Variants in RNF13 observed in about 807,000 individuals in gnomAD.
RNF13 encodes the protein E3 ubiquitin-protein ligase RNF13.
A neutral mutation model predicts 37.7 loss-of-function variants in RNF13; 19 were observed. The observed-to-expected ratio is 0.50, with a 90% confidence interval of 0.35 to 0.74. The LOEUF is 0.74. Among genes scored for constraint, RNF13 ranks in the 30% least tolerant of loss-of-function variants. The probability of loss-of-function intolerance (pLI) is 0.01; values close to 1 mark genes in which losing one functional copy is unlikely to be tolerated. For synonymous variants in RNF13, 144 were observed against 157.8 expected, an observed-to-expected ratio of 0.91 and a Z score of 0.65; for missense variants, 375 against 453.0, an observed-to-expected ratio of 0.83 and a Z score of 1.56.
intron 1 of RNF13, among the ~76,000 whole-genome samples, chr3:149,822,904 T>C (rs1258308116): frequency 6.6e-6 from 1 of 152,166 alleles, no homozygotes; most frequent in East Asian, 1.9e-4. Flanking sequence ...TTTGAATATG[T>C]AAATTACCAT....
At chr3:149,835,844 G>A (rs1220802185) in intron 1 of RNF13, among the ~76,000 whole-genome samples, 1 of 142,476 alleles carries the variant, frequency 7.0e-6, no homozygotes, top group African/African-American at 2.6e-5. Context: ...CCCCAGTAGT[G>A]GGATTGCTGG....
intron 8 of RNF13, chr3:149,939,627 C>T (rs573616125): frequency 7.8e-6 from 5 of 638,294 alleles, no homozygotes; most frequent in Non-Finnish European, 1.5e-5. Context: ...CAACAATATG[C>T]AATTTATCCT....
At chr3:149,859,251 G>A (rs115134160) in intron 3 of RNF13, among the ~76,000 whole-genome samples, 1 of 152,216 alleles carries the variant, frequency 6.6e-6, no homozygotes, top group African/African-American at 2.4e-5. Flanking sequence ...CAAACCATCT[G>A]GTTATACATG....
At chr3:149,944,066 G>GT (rs771892047) in intron 8 of RNF13, among the ~76,000 whole-genome samples, 1 of 144,094 alleles carries the variant, frequency 6.9e-6, no homozygotes, top group African/African-American at 2.5e-5. Flanking sequence ...GTGGTGTTTG[G>GT]TTTTTTGTCC....
intron 8 of RNF13, among the ~76,000 whole-genome samples, chr3:149,926,242 C>G (rs1044276989): frequency 7.9e-5 from 12 of 152,112 alleles, no homozygotes; most frequent in African/African-American, 2.9e-4. Context: ...GGCGGAGTCT[C>G]GCTCTGTCCC....
chr3:149,946,259 A>C (rs576349166), intron 8 of RNF13, among the ~76,000 whole-genome samples: 1 of 152,368 alleles, frequency 6.6e-6, no homozygotes, highest in East Asian at 1.9e-4. Flanking sequence ...CATGAGAACT[A>C]CATGACAGAT....
At chr3:149,945,599 G>A (rs904739245) in intron 8 of RNF13, among the ~76,000 whole-genome samples, 44 of 152,272 alleles carry the variant, frequency 2.9e-4, no homozygotes, top group African/African-American at 9.1e-4. Flanking sequence ...CTTGAGATCT[G>A]AGAACAGACA....
chr3:149,853,816 A>G (rs1328073027), intron 3 of RNF13, among the ~76,000 whole-genome samples: 1 of 147,208 alleles, frequency 6.8e-6, no homozygotes, highest in Non-Finnish European at 1.5e-5. Flanking sequence ...AGTTTATTCT[A>G]ATTTTCTTAA....
chr3:149,867,704 A>T (rs1018538098), intron 3 of RNF13, among the ~76,000 whole-genome samples: 6 of 151,816 alleles, frequency 4.0e-5, no homozygotes, highest in Non-Finnish European at 7.4e-5. Flanking sequence ...TTTTGTAAGC[A>T]GCATTGTATT....
chr3:149,926,762 G>A (rs566734674), intron 8 of RNF13, among the ~76,000 whole-genome samples: 19 of 152,228 alleles, frequency 1.2e-4, no homozygotes, highest in Admixed American at 2.0e-4. Context: ...GTCCAGATAT[G>A]TGTGGGTTTG....
intron 1 of RNF13, chr3:149,813,675 G>C (rs977631652): frequency 5.9e-5 from 9 of 152,176 alleles, no homozygotes; most frequent in Non-Finnish European, 1.3e-4. Flanking sequence ...GGCTTTTCTT[G>C]GTCAAGTACC....
At chr3:149,951,428 C>T (rs964700928) in intron 8 of RNF13, among the ~76,000 whole-genome samples, 4 of 152,182 alleles carry the variant, frequency 2.6e-5, no homozygotes, top group African/African-American at 9.7e-5. Flanking sequence ...TGTTTTATTA[C>T]CTCATGTCCA....
chr3:149,848,099 A>G (rs943437440), intron 2 of RNF13, among the ~76,000 whole-genome samples: 36 of 152,310 alleles, frequency 2.4e-4, no homozygotes, highest in Non-Finnish European at 8.8e-5. Flanking sequence ...AATATTTTAT[A>G]TATGGTTTTA....
intron 3 of RNF13, among the ~76,000 whole-genome samples, chr3:149,865,573 C>T (rs1724730738): frequency 6.6e-6 from 1 of 151,968 alleles, no homozygotes; most frequent in African/African-American, 2.4e-5. Context: ...TCAAGCAATC[C>T]TCCTACTTTA....
At chr3:149,949,391 G>GAGA (rs985621591) in intron 8 of RNF13, among the ~76,000 whole-genome samples, 8 of 150,080 alleles carry the variant, frequency 5.3e-5, no homozygotes, top group African/African-American at 1.7e-4. Flanking sequence ...TAAGTCTGCT[G>GAGA]AGAATCTAAT....
chr3:149,956,655 C>G (rs1721896468), intron 8 of RNF13, among the ~76,000 whole-genome samples: 1 of 152,170 alleles, frequency 6.6e-6, no homozygotes, highest in Non-Finnish European at 1.5e-5. Flanking sequence ...TTTTCTGAAA[C>G]TTTATTCTAC....
At chr3:149,860,648 A>G (rs554286146) in intron 3 of RNF13, among the ~76,000 whole-genome samples, 1 of 152,292 alleles carries the variant, frequency 6.6e-6, no homozygotes, top group Non-Finnish European at 1.5e-5. Flanking sequence ...TAAAGCCCCC[A>G]AACTATAAAA....
At chr3:149,943,136 C>A (rs1435044695) in intron 8 of RNF13, among the ~76,000 whole-genome samples, 1 of 151,398 alleles carries the variant, frequency 6.6e-6, no homozygotes, top group Non-Finnish European at 1.5e-5. Context: ...TATTTGCCTG[C>A]AGTTTTCTTT....
At chr3:149,906,016 C>G (rs1230456437) in intron 6 of RNF13, among the ~76,000 whole-genome samples, 1 of 152,180 alleles carries the variant, frequency 6.6e-6, no homozygotes, top group East Asian at 1.9e-4. Context: ...ACTCCAGCCC[C>G]AGGCAATCAC....
Sources: gnomAD v4.1 joint callset for allele counts (sites outside exome capture counted in the v4.1 genomes callset) on GRCh38, gnomAD v4.1.1 for gene constraint, MANE v1.5 for transcripts, NCBI Gene and HGNC (gene_info 2026-07-23, HGNC 2026-07-21) for gene names.